Variants in SORCS1 observed in about 807,000 individuals in gnomAD.
SORCS1 encodes the protein sortilin related VPS10 domain containing receptor 1.
A neutral mutation model predicts 146.1 loss-of-function variants in SORCS1; 60 were observed. The observed-to-expected ratio is 0.41, with a 90% CI of 0.33 to 0.51. The LOEUF (loss-of-function observed/expected upper bound fraction) is 0.51, where lower values mean the gene tolerates loss of function less well. SORCS1 is among the 20% of genes least tolerant of loss of function. The pLI, the probability that SORCS1 is intolerant of heterozygous loss-of-function variation, is 0.21. For synonymous variants in SORCS1, 637 were observed against 584.0 expected, an observed-to-expected ratio of 1.09 and a Z score of -1.31; for missense variants, 1,352 against 1,487.6, an observed-to-expected ratio of 0.91 and a Z score of 1.50.
chr10:106,677,176 G>A, intron 13 of SORCS1, 137 bp downstream of exon 13: 1 of 747,266 alleles, frequency 1.3e-6, no homozygotes, highest in East Asian at 2.7e-5. Flanking sequence ...GAGAGTAACA[G>A]GACCTGAACC....
At position 107,164,270 on chromosome 10, in the gene SORCS1, G is replaced by A. The variant is rs766611344; in HGVS notation, c.257C>T (p.Ala86Val). 9 of 1,602,302 alleles carry A rather than the reference G, an allele frequency of 5.6e-6. No homozygotes were observed. Among genetic ancestry groups the A allele is most frequent in the Non-Finnish European group, 7.6e-6 (9 of 1,178,366 alleles). Residue 86 changes from alanine to valine, a missense_variant, in exon 1 of 26, where the codon GCG (alanine) becomes GTG (valine). Coordinates refer to ENST00000263054, the MANE Select transcript of SORCS1 (RefSeq NM_052918.5). This position sits in a 1 kb window ranked among gnomAD's most constrained non-coding sequence, Gnocchi z 6.8. Reference sequence around the variant, plus strand: ...GCCCCGAGCCCGCTCCAGGGATAGCGCTCGGTCCCCGGGGGCCACTGAGAA... The same window carrying A: ...GCCCCGAGCCCGCTCCAGGGATAGCACTCGGTCCCCGGGGGCCACTGAGAA... ...PLFSVAPGDR[A>V]LSLERARGTG...
At chr10:106,912,125 C>A (rs2418822) in intron 2 of SORCS1, among the ~76,000 whole-genome samples, 70,091 of 139,414 alleles carry the variant, frequency 0.5, 19,469 homozygotes, top group East Asian at 0.74. Flanking sequence ...AAAAAAAAAA[C>A]AAACAAACAA....
In SORCS1 at chr10:106,842,389, A is replaced by G. The variant is rs940935478; in HGVS notation, c.627-12716T>C. Among the ~76,000 whole-genome samples, 6 of 152,186 alleles carry G rather than the reference A, an allele frequency of 3.9e-5. No homozygotes were observed. The East Asian group carries it at 9.7e-4, about 25-fold the overall frequency. ...GCTGGGACTACCCTTGTGCACCACC[A>G]GGCCCGGCTAATTTTTGTATTTTTA... On this transcript the variant is annotated intron_variant, in intron 2 of 25. Transcript: ENST00000263054.
chr10:107,160,466 T>C (rs1307210888), intron 1 of SORCS1, among the ~76,000 whole-genome samples: 1 of 152,186 alleles, frequency 6.6e-6, no homozygotes, highest in African/African-American at 2.4e-5. Context: ...ACCCCAAAAG[T>C]TGGCCCAGAT....
intron 6 of SORCS1, among the ~76,000 whole-genome samples, chr10:106,720,275 T>C (rs1016803248): frequency 6.6e-6 from 1 of 152,130 alleles, no homozygotes; most frequent in Non-Finnish European, 1.5e-5. Flanking sequence ...ATTTTTTGAA[T>C]GAATGAATAA....
At chr10:106,865,702 CGA>C (rs1950200683) in intron 2 of SORCS1, among the ~76,000 whole-genome samples, 1 of 147,350 alleles carries the variant, frequency 6.8e-6, no homozygotes, top group Non-Finnish European at 1.5e-5. Flanking sequence ...CCAGCCTGGG[CGA>C]GAGAGCAAGA....
intron 1 of SORCS1, among the ~76,000 whole-genome samples, chr10:107,105,930 C>A (rs1965273797): frequency 6.6e-6 from 1 of 152,182 alleles, no homozygotes; most frequent in African/African-American, 2.4e-5. Context: ...AAGGGTAATT[C>A]TTGATGGCTG....
chr10:107,007,674 A>T (rs1408169557), intron 1 of SORCS1, among the ~76,000 whole-genome samples: 1 of 152,242 alleles, frequency 6.6e-6, no homozygotes, highest in East Asian at 1.9e-4. Flanking sequence ...AGGTAAGTAG[A>T]ACATTCTGGA....
intron 1 of SORCS1, among the ~76,000 whole-genome samples, chr10:107,053,496 A>T (rs1960322805): frequency 6.6e-6 from 1 of 152,146 alleles, no homozygotes; most frequent in South Asian, 2.1e-4. Flanking sequence ...ATTCTTTACC[A>T]GTTGTATATT....
chr10:106,579,564 A>G, intron 24 of SORCS1, 90 bp from the exon 25 acceptor site: 1 of 1,343,628 alleles, frequency 7.4e-7, no homozygotes, highest in East Asian at 2.4e-5. Flanking sequence ...ACACAAGCAG[A>G]GGTAAGTCCT....
At chr10:106,739,656 A>G (rs945745011) in intron 5 of SORCS1, among the ~76,000 whole-genome samples, 1 of 150,214 alleles carries the variant, frequency 6.7e-6, no homozygotes, top group African/African-American at 2.5e-5. Flanking sequence ...AAATACAAAA[A>G]AAATATATAT....
intron 2 of SORCS1, among the ~76,000 whole-genome samples, chr10:106,835,373 T>TAA (rs1439560525): frequency 6.6e-6 from 1 of 152,244 alleles, no homozygotes; most frequent in African/African-American, 2.4e-5. Flanking sequence ...CTTTTGTTAC[T>TAA]CATTTTCTAA....
intron 3 of SORCS1, among the ~76,000 whole-genome samples, chr10:106,815,062 C>G (rs1420463421): frequency 6.6e-6 from 1 of 152,026 alleles, no homozygotes; most frequent in East Asian, 2.0e-4. Context: ...TGGCTTCACG[C>G]CCTTCTCCTG....
chr10:106,925,582 C>T (rs1952974025), intron 2 of SORCS1, among the ~76,000 whole-genome samples: 1 of 152,236 alleles, frequency 6.6e-6, no homozygotes, highest in East Asian at 1.9e-4. Context: ...TCTCTTCCCT[C>T]ACTGTTCCCT....
chr10:106,867,755 CA>C (rs1363460626), intron 2 of SORCS1, among the ~76,000 whole-genome samples: 1 of 152,168 alleles, frequency 6.6e-6, no homozygotes, highest in Non-Finnish European at 1.5e-5. Flanking sequence ...TAGAAAAACA[CA>C]CTTAAATACA....
At chr10:106,827,853 A>C (rs553429699) in intron 3 of SORCS1, among the ~76,000 whole-genome samples, 22 of 152,350 alleles carry the variant, frequency 1.4e-4, no homozygotes, top group Admixed American at 1.4e-3. Context: ...AAATTAATTA[A>C]AATTAAATGA....
chr10:106,974,805 G>A (rs541139905), intron 1 of SORCS1, among the ~76,000 whole-genome samples: 1 of 152,136 alleles, frequency 6.6e-6, no homozygotes, highest in Non-Finnish European at 1.5e-5. Context: ...CCAGCTTTAC[G>A]CAGTTTTGAG....
intron 19 of SORCS1, 59 bp downstream of exon 19, chr10:106,629,143 A>C: frequency 6.8e-7 from 1 of 1,477,022 alleles, no homozygotes; most frequent in Admixed American, 1.9e-5. Flanking sequence ...TTGTGAATTC[A>C]ATTTGAAAAG....
chr10:107,003,900 G>A (rs1433236442), intron 1 of SORCS1, among the ~76,000 whole-genome samples: 1 of 152,120 alleles, frequency 6.6e-6, no homozygotes, highest in African/African-American at 2.4e-5. Flanking sequence ...ATACGGCTGG[G>A]TGCGGTGGCT....
Sources: allele counts gnomAD v4.1 joint callset (sites outside exome capture counted in the v4.1 genomes callset), GRCh38; gene constraint gnomAD v4.1.1; non-coding constraint Gnocchi (gnomAD v3.1); transcripts MANE v1.5; gene names NCBI Gene and HGNC (gene_info 2026-07-23, HGNC 2026-07-21).